The following SLC9A9 variants were observed in gnomAD, a reference collection of about 807,000 sequenced individuals.
The protein encoded by SLC9A9 is solute carrier family 9 member A9.
In SLC9A9, 62 loss-of-function variants were observed where a neutral mutation model predicts 77.8. The ratio of observed to expected loss-of-function variants is 0.80; its 90% CI spans 0.65 to 0.98. SLC9A9 has a LOEUF of 0.98. Among genes scored for constraint, SLC9A9 ranks in the 50% least tolerant of loss-of-function variants. The pLI is 0.00. For missense variants in SLC9A9, 775 were observed against 774.9 expected (o/e 1.00, Z 0.00); for synonymous variants, 320 against 283.5 (o/e 1.13, Z -1.29).
At chr3:143,837,159 G>A (rs2009588254) in intron 1 of SLC9A9, among the ~76,000 whole-genome samples, 3 of 151,990 alleles carry the variant, frequency 2.0e-5, no homozygotes, top group Admixed American at 1.3e-4. Flanking sequence ...AATCTCTTTG[G>A]CTGTGTTCAA....
chr3:143,808,193 C>T (rs974900653), intron 2 of SLC9A9, among the ~76,000 whole-genome samples: 2 of 152,218 alleles, frequency 1.3e-5, no homozygotes, highest in African/African-American at 4.8e-5. Context: ...TTGGTTTCCT[C>T]TCACTAGCAC....
intron 2 of SLC9A9, among the ~76,000 whole-genome samples, chr3:143,806,738 G>A (rs1023785663): frequency 1.0e-5 from 1 of 98,142 alleles, no homozygotes; most frequent in Admixed American, 9.6e-5. Flanking sequence ...ATGTGGTGGT[G>A]GGGGGGGCAA....
At chr3:143,672,159 A>G (rs2039165004) in intron 5 of SLC9A9, among the ~76,000 whole-genome samples, 2 of 151,062 alleles carry the variant, frequency 1.3e-5, no homozygotes, top group Non-Finnish European at 2.9e-5. Context: ...CTGGTACTGA[A>G]GGAACTACTT....
chr3:143,463,631 T>C (rs1268969075), intron 12 of SLC9A9, among the ~76,000 whole-genome samples: 1 of 152,228 alleles, frequency 6.6e-6, no homozygotes, highest in Non-Finnish European at 1.5e-5. Flanking sequence ...GAAACCATTC[T>C]ACTTTATTTT....
At chr3:143,744,192 A>T (rs1018564408) in intron 4 of SLC9A9, among the ~76,000 whole-genome samples, 5 of 152,320 alleles carry the variant, frequency 3.3e-5, no homozygotes, top group Admixed American at 2.0e-4. Flanking sequence ...GCACAAAAAA[A>T]TTCTTGATTT....
chr3:143,602,619 A>G (rs561865618), intron 6 of SLC9A9, among the ~76,000 whole-genome samples: 1 of 152,358 alleles, frequency 6.6e-6, no homozygotes, highest in South Asian at 2.1e-4. Context: ...ACTAGGAAAT[A>G]TAGACACAAA....
At chr3:143,623,172 T>A (rs2038253552) in intron 6 of SLC9A9, among the ~76,000 whole-genome samples, 2 of 152,106 alleles carry the variant, frequency 1.3e-5, no homozygotes, top group South Asian at 4.2e-4. Flanking sequence ...ATGGGAGACT[T>A]TAACACCCCA....
intron 14 of SLC9A9, among the ~76,000 whole-genome samples, chr3:143,306,383 G>A (rs548563727): frequency 8.5e-5 from 13 of 152,180 alleles, no homozygotes; most frequent in Non-Finnish European, 1.2e-4. Context: ...TCCACCTACT[G>A]TCTCAACCAA....
chr3:143,510,680 T>A (rs2036101667), intron 9 of SLC9A9, among the ~76,000 whole-genome samples: 1 of 152,208 alleles, frequency 6.6e-6, no homozygotes, highest in African/African-American at 2.4e-5. Flanking sequence ...AAATTCTTGG[T>A]CCATATGTTC....
At chr3:143,334,665 C>A (rs575772848) in intron 14 of SLC9A9, among the ~76,000 whole-genome samples, 49 of 152,188 alleles carry the variant, frequency 3.2e-4, no homozygotes, top group African/African-American at 1.1e-3. Flanking sequence ...ACAATAAAGG[C>A]TCAGTAATAA....
At chr3:143,483,996 T>C (rs149890422) in intron 11 of SLC9A9, among the ~76,000 whole-genome samples, 117 of 152,268 alleles carry the variant, frequency 7.7e-4, no homozygotes, top group Non-Finnish European at 1.4e-3. Context: ...TGGATGACTG[T>C]GAATGAGGAA....
chr3:143,556,865 CT>C (rs1232076355), intron 8 of SLC9A9, among the ~76,000 whole-genome samples: 1 of 152,134 alleles, frequency 6.6e-6, no homozygotes, highest in Non-Finnish European at 1.5e-5. Flanking sequence ...CAACTTGTAT[CT>C]TTGCTGTCAT....
chr3:143,629,315 G>A (rs916202753), intron 6 of SLC9A9, among the ~76,000 whole-genome samples: 5 of 152,196 alleles, frequency 3.3e-5, no homozygotes, highest in Non-Finnish European at 7.3e-5. Context: ...CGAAGGTATA[G>A]GTTGGTGAGC....
At chr3:143,584,110 GC>G in intron 6 of SLC9A9, among the ~76,000 whole-genome samples, 1 of 152,144 alleles carries the variant, frequency 6.6e-6, no homozygotes, top group South Asian at 2.1e-4. Flanking sequence ...CCACAACAAT[GC>G]CCTCCCCTCT....
chr3:143,613,810 A>G (rs1048712205), intron 6 of SLC9A9, among the ~76,000 whole-genome samples: 1 of 151,328 alleles, frequency 6.6e-6, no homozygotes. Context: ...TTTTTATTCC[A>G]TTATTCTTTC....
At chr3:143,428,528 G>T (rs1325882704) in intron 12 of SLC9A9, among the ~76,000 whole-genome samples, 1 of 152,090 alleles carries the variant, frequency 6.6e-6, no homozygotes, top group Non-Finnish European at 1.5e-5. Flanking sequence ...TAGTATGAAG[G>T]TCTCTCAAAA....
intron 9 of SLC9A9, among the ~76,000 whole-genome samples, chr3:143,532,720 T>A (rs2036530594): frequency 6.6e-6 from 1 of 152,190 alleles, no homozygotes; most frequent in African/African-American, 2.4e-5. Flanking sequence ...TGGGATTTCT[T>A]CCAGCCCTAT....
Position 143,470,617 on chromosome 3 carries a change from T to C in SLC9A9, c.1316-3427A>G, listed in dbSNP as rs181513825. On this transcript the variant is annotated intron_variant, in intron 11 of 15. Coordinates refer to ENST00000316549, the MANE Select transcript of SLC9A9 (RefSeq NM_173653.4). ...TTAGAAGTATTAGACAATCAGTTGC[T>C]AAGTATTAATAGTTCTCATTGATAT... 1.4e-3 allele frequency among the ~76,000 whole-genome samples: 208 copies of C among 152,350 alleles called. 5 individuals carry two copies. The highest frequency in any genetic ancestry group is 2.5e-4 in the Non-Finnish European group (17 of 68,036).
chr3:143,748,999 G>C (rs553992329), intron 4 of SLC9A9, among the ~76,000 whole-genome samples: 1 of 152,070 alleles, frequency 6.6e-6, no homozygotes, highest in Non-Finnish European at 1.5e-5. Context: ...CACCGCGCCC[G>C]GCCTGACCAA....
Sources: gnomAD v4.1 joint callset for allele counts (sites outside exome capture counted in the v4.1 genomes callset) on GRCh38, gnomAD v4.1.1 for gene constraint, MANE v1.5 for transcripts, NCBI Gene and HGNC (gene_info 2026-07-23, HGNC 2026-07-21) for gene names.